PCDHA12: variants seen among roughly 807,000 people sequenced by gnomAD.
PCDHA12 encodes the protein protocadherin alpha 12.
Under a neutral mutation model 60.0 loss-of-function variants are expected in PCDHA12, and 44 were observed. The ratio of observed to expected loss-of-function variants is 0.73; its 90% CI spans 0.58 to 0.94. The LOEUF (loss-of-function observed/expected upper bound fraction) is 0.94, where lower values mean the gene tolerates loss of function less well. Ranked by LOEUF, PCDHA12 falls within the 40% of genes least tolerant of loss-of-function variation. The pLI is 0.00. For synonymous variants in PCDHA12, 569 were observed against 553.0 expected (o/e 1.03, Z -0.40); for missense variants, 1,276 against 1,239.7 (o/e 1.03, Z -0.44).
At chr5:141,006,644 T>C (rs1411431797) in intron 3 of PCDHA12, among the ~76,000 whole-genome samples, 3 of 152,084 alleles carry the variant, frequency 2.0e-5, no homozygotes, top group African/African-American at 7.2e-5. Context: ...ATATAAGAGA[T>C]GATGGTGTCC....
At chr5:140,922,476 G>C (rs1473614127) in intron 1 of PCDHA12, among the ~76,000 whole-genome samples, 2 of 152,184 alleles carry the variant, frequency 1.3e-5, no homozygotes, top group African/African-American at 4.8e-5. Context: ...AGGAGAGAAG[G>C]CAGGACTAAA....
At chr5:140,972,514 A>G (rs2096539827) in intron 1 of PCDHA12, among the ~76,000 whole-genome samples, 1 of 152,260 alleles carries the variant, frequency 6.6e-6, no homozygotes, top group Admixed American at 6.5e-5. Context: ...TTTTACCCCC[A>G]GTGAGCTTAT....
intron 2 of PCDHA12, among the ~76,000 whole-genome samples, chr5:140,981,204 A>G (rs782466772): frequency 2.6e-5 from 4 of 152,218 alleles, no homozygotes; most frequent in Non-Finnish European, 5.9e-5. Context: ...CTGTTGCCTC[A>G]TATAACCCCT....
intron 1 of PCDHA12, among the ~76,000 whole-genome samples, chr5:140,917,038 C>T (rs1342700377): frequency 6.6e-6 from 1 of 152,168 alleles, no homozygotes; most frequent in African/African-American, 2.4e-5. Context: ...CTGAGTCCAG[C>T]ACAGTGTTGT....
At chr5:140,954,947 T>G (rs2153704420) in intron 1 of PCDHA12, among the ~76,000 whole-genome samples, 1 of 152,360 alleles carries the variant, frequency 6.6e-6, no homozygotes, top group South Asian at 2.1e-4. Flanking sequence ...AGTTAATTTT[T>G]GTATAAGATG....
chr5:140,878,727 C>A (rs1329578817), intron 1 of PCDHA12, among the ~76,000 whole-genome samples: 2 of 152,186 alleles, frequency 1.3e-5, no homozygotes, highest in Non-Finnish European at 2.9e-5. Context: ...AAATTTCCAG[C>A]CTTATATCTA....
intron 1 of PCDHA12, among the ~76,000 whole-genome samples, chr5:140,938,547 C>CTTTTA (rs59072362): frequency 0.32 from 48,749 of 151,290 alleles, 8,071 homozygotes; most frequent in East Asian, 0.53. Flanking sequence ...GATTTTTATC[C>CTTTTA]TTTTATTAAT....
chr5:140,903,275 T>A (rs1313552617), intron 1 of PCDHA12, among the ~76,000 whole-genome samples: 1 of 152,210 alleles, frequency 6.6e-6, no homozygotes, highest in East Asian at 1.9e-4. Flanking sequence ...TGAGGTAGTG[T>A]CTCATTGTGC....
intron 1 of PCDHA12, among the ~76,000 whole-genome samples, chr5:140,923,018 T>G (rs1353684633): frequency 6.6e-6 from 1 of 152,224 alleles, no homozygotes; most frequent in African/African-American, 2.4e-5. Flanking sequence ...GACTGCAGTT[T>G]CGGACTCTAT....
rs782226531 is a variant in PCDHA12, at chr5:140,928,688, A to G, written c.2368-50261A>G. 6 of 1,614,004 alleles carry G rather than the reference A, an allele frequency of 3.7e-6. No homozygotes were observed. The African/African-American group carries it at 4.0e-5, about 11-fold the overall frequency. The stretch of plus-strand genomic sequence containing the variant: ...GGTTCTAATGCCTGGCTTTCCTACC[A>G]CATCTCCCGGGCGTCTGACTCTAGT... On this transcript the variant is annotated intron_variant, in intron 1 of 3. Transcript: ENST00000398631.
intron 1 of PCDHA12, among the ~76,000 whole-genome samples, chr5:140,912,832 TA>T (rs1188685241): frequency 1.3e-5 from 2 of 152,202 alleles, no homozygotes; most frequent in African/African-American, 2.4e-5. Context: ...TGAATTTTAT[TA>T]AATGCTTTTT....
chr5:140,994,892 G>A (rs1554254386), intron 3 of PCDHA12, among the ~76,000 whole-genome samples: 2 of 152,192 alleles, frequency 1.3e-5, no homozygotes, highest in Non-Finnish European at 2.9e-5. Flanking sequence ...TAGGAAATGA[G>A]ATCAGAAATG....
intron 1 of PCDHA12, among the ~76,000 whole-genome samples, chr5:140,896,536 C>CTTTT (rs34213614): frequency 1.4e-5 from 2 of 145,620 alleles, no homozygotes; most frequent in Admixed American, 6.8e-5. Context: ...AGCTATTTTT[C>CTTTT]TTTTTTTTTT....
intron 1 of PCDHA12, among the ~76,000 whole-genome samples, chr5:140,939,804 G>A (rs2092463605): frequency 6.6e-6 from 1 of 152,140 alleles, no homozygotes; most frequent in Non-Finnish European, 1.5e-5. Flanking sequence ...TGTTCTGCAT[G>A]TTCAAGAAAA....
chr5:140,915,252 GTTA>G (rs1291041483), intron 1 of PCDHA12, among the ~76,000 whole-genome samples: 2 of 152,012 alleles, frequency 1.3e-5, no homozygotes, highest in African/African-American at 4.8e-5. Flanking sequence ...TGGCCAGGTT[GTTA>G]TTATTTTTGA....
intron 1 of PCDHA12, among the ~76,000 whole-genome samples, chr5:140,917,087 C>G (rs1275905052): frequency 6.6e-6 from 1 of 152,100 alleles, no homozygotes; most frequent in Non-Finnish European, 1.5e-5. Flanking sequence ...GTAAAGTTCC[C>G]CAGTTGCTGT....
intron 3 of PCDHA12, among the ~76,000 whole-genome samples, chr5:141,005,658 C>T (rs1014602554): frequency 6.9e-4 from 96 of 138,640 alleles, no homozygotes; most frequent in African/African-American, 2.4e-3. Flanking sequence ...GTCGAGATCG[C>T]GCCACTGCAC....
At chr5:140,901,922 G>A (rs2068984254) in intron 1 of PCDHA12, among the ~76,000 whole-genome samples, 2 of 151,732 alleles carry the variant, frequency 1.3e-5, no homozygotes. Flanking sequence ...TCACTTCTTT[G>A]GTTAATTCCT....
At chr5:140,882,267 C>A in intron 1 of PCDHA12, 1 of 1,610,288 alleles carries the variant, frequency 6.2e-7, no homozygotes, top group Non-Finnish European at 8.5e-7. Context: ...TTGGAGTGTA[C>A]CATGCTGTCT....
Sources: gnomAD v4.1 joint callset for allele counts (sites outside exome capture counted in the v4.1 genomes callset) on GRCh38, gnomAD v4.1.1 for gene constraint, MANE v1.5 for transcripts, NCBI Gene and HGNC (gene_info 2026-07-23, HGNC 2026-07-21) for gene names.